PDZD8: variants seen among roughly 807,000 people sequenced by gnomAD.
The protein encoded by PDZD8 is PDZ domain containing 8.
A neutral mutation model predicts 85.8 loss-of-function variants in PDZD8; 14 were observed. That is an observed-to-expected ratio of 0.16 (90% CI 0.11 to 0.26). PDZD8 has a LOEUF of 0.26. PDZD8 is among the 10% of genes least tolerant of loss of function. PDZD8 has a pLI of 1.00. For missense variants in PDZD8, 1,197 were observed against 1,424.3 expected (o/e 0.84, Z 2.57); for synonymous variants, 592 against 568.6 (o/e 1.04, Z -0.59).
At position 117,318,015 on chromosome 10, in the gene PDZD8, C is replaced by T. The variant is rs147056260; in HGVS notation, c.1098+857G>A. ...AATTTTTATATAAAGATGTTCACAA[C>T]AGTTAATACATAAATAAATCAGAAA... is the stretch of plus-strand genomic sequence containing the variant. On this transcript the variant is annotated intron_variant, in intron 3 of 4. Coordinates refer to ENST00000334464, the MANE Select transcript of PDZD8 (RefSeq NM_173791.5). Among the ~76,000 whole-genome samples the T allele has an allele frequency of 2.9e-3, 444 of 152,224 alleles. 3 individuals are homozygous for T. Among genetic ancestry groups the T allele is most frequent in the Non-Finnish European group, 5.0e-3 (343 of 68,022 alleles).
rs1845283986 is a variant in PDZD8, at chr10:117,375,258, C to G, written c.-31G>C. On this transcript the variant is annotated 5_prime_UTR_variant, in exon 1 of 5. Coordinates refer to ENST00000334464, the MANE Select transcript of PDZD8 (RefSeq NM_173791.5). Reference sequence around the variant, plus strand: ...CACCGCCTCCGCCCGGGCCCCTACTCCCGCGCCCACAGCGCCGCTTTCTTC... The same window carrying G: ...CACCGCCTCCGCCCGGGCCCCTACTGCCGCGCCCACAGCGCCGCTTTCTTC... 1 of 1,431,516 alleles carries G rather than the reference C, an allele frequency of 7.0e-7. No homozygotes were observed. The highest frequency in any genetic ancestry group is 1.5e-5 in the African/African-American group (1 of 68,190). 88.7% of individuals were successfully genotyped at this position (1,431,516 alleles called of 1,614,324 possible). A position where few individuals can be genotyped will look rare whatever the true frequency, so the allele number is the denominator to read the frequency against.
At chr10:117,314,418 T>C (rs1477013241) in intron 3 of PDZD8, among the ~76,000 whole-genome samples, 1 of 152,212 alleles carries the variant, frequency 6.6e-6, no homozygotes, top group African/African-American at 2.4e-5. Flanking sequence ...GCTGACCCTA[T>C]CTAAAGCCCT....
Position 117,284,606 on chromosome 10 carries a change from C to T in PDZD8, c.2127G>A (p.Arg709=). The stretch of plus-strand genomic sequence containing the variant: ...TGCACCACAATGCAATGTTTAAGTA[C>T]CTGTGACAGGCTTCTATGTCAAACA... ...SCLFDIEACH[R]YLNIALWCRD... is the part of the protein sequence containing the mutation. Residue 709 remains arginine (R), a synonymous_variant, in exon 5 of 5, where the codon AGG becomes AGA. Coordinates refer to ENST00000334464, the MANE Select transcript of PDZD8 (RefSeq NM_173791.5). The T allele has an allele frequency of 6.2e-7, 1 of 1,614,202 alleles. No homozygotes were observed. Among genetic ancestry groups the T allele is most frequent in the South Asian group, 1.1e-5 (1 of 91,086 alleles).
chr10:117,375,095 AGCCCTCGCCCGCGCGGGC>A lies in PDZD8; in HGVS notation c.115_132del (p.Ala39_Gly44del), dbSNP rs1294352290. The stretch of plus-strand genomic sequence containing the variant: ...CCCGGCACTGGCTTGATGTAGCGGA[AGCCCTCGCCCGCGCGGGC>A]GGCCTCGTCCGCCGGCGGCTCGGGC... On this transcript the variant is annotated inframe_deletion, in exon 1 of 5. Transcript: ENST00000334464. 8.1e-6 allele frequency: 13 copies of A among 1,597,470 alleles called. No individual in the cohort carries two copies. The African/African-American group carries it at 1.5e-4, about 18-fold the overall frequency.
rs1278264508 is a variant in PDZD8 at position 117,279,003 on chromosome 10, T to C, written c.*4265A>G. On this transcript the variant is annotated 3_prime_UTR_variant, in exon 5 of 5. Transcript: ENST00000334464. ...GGTTTCTGGTTCTCCCTGCCCCCAA[T>C]ACCATATACTTTATTGCAATTTTAT... 6.6e-6 allele frequency: 1 copy of C among 152,204 alleles called. No homozygotes were observed. The highest frequency in any genetic ancestry group is 1.5e-5 in the Non-Finnish European group (1 of 68,032). The allele number at this position is 152,204 out of a possible 1,614,324, so 9.4% of individuals were successfully genotyped here. A position where few individuals can be genotyped will look rare whatever the true frequency, so the allele number is the denominator to read the frequency against.
intron 2 of PDZD8, among the ~76,000 whole-genome samples, chr10:117,324,375 T>C (rs1443974035): frequency 6.6e-6 from 1 of 152,016 alleles, no homozygotes. Context: ...TAGTTATCAG[T>C]CATGATTTTT....
chr10:117,335,808 T>C (rs1384541792), intron 2 of PDZD8, among the ~76,000 whole-genome samples: 2 of 152,250 alleles, frequency 1.3e-5, no homozygotes, highest in East Asian at 3.8e-4. Flanking sequence ...CTTTGTATTA[T>C]GTTTTTTGTA....
chr10:117,322,294 C>G (rs1301248935), intron 2 of PDZD8, among the ~76,000 whole-genome samples: 1 of 152,182 alleles, frequency 6.6e-6, no homozygotes, highest in Non-Finnish European at 1.5e-5. Context: ...ACCCATGACC[C>G]AGAGACCTCG....
chr10:117,350,299 C>T (rs1429495427), intron 1 of PDZD8, among the ~76,000 whole-genome samples: 1 of 144,964 alleles, frequency 6.9e-6, no homozygotes, highest in African/African-American at 2.5e-5. Context: ...CGGAGTCTTG[C>T]TCTGTCCCAG....
At chr10:117,299,304 T>C (rs1221569567) in intron 3 of PDZD8, among the ~76,000 whole-genome samples, 2 of 152,164 alleles carry the variant, frequency 1.3e-5, no homozygotes, top group Non-Finnish European at 2.9e-5. Context: ...GTAATGATCT[T>C]TTTGCAAAGA....
At chr10:117,348,248 G>A (rs569031608) in intron 1 of PDZD8, among the ~76,000 whole-genome samples, 3 of 152,104 alleles carry the variant, frequency 2.0e-5, no homozygotes, top group African/African-American at 4.8e-5. Flanking sequence ...GCACAGCTTC[G>A]TTAAAACAAA....
chr10:117,333,409 C>G (rs1042828674), intron 2 of PDZD8, among the ~76,000 whole-genome samples: 1 of 151,998 alleles, frequency 6.6e-6, no homozygotes, highest in Admixed American at 6.6e-5. Flanking sequence ...TCAGATTTAG[C>G]TAGATATTTT....
chr10:117,296,234 TA>T (rs1843757504), intron 3 of PDZD8, among the ~76,000 whole-genome samples: 1 of 152,008 alleles, frequency 6.6e-6, no homozygotes, highest in African/African-American at 2.4e-5. Flanking sequence ...TTAGAAAAAT[TA>T]AAAAATCCCA....
chr10:117,360,293 A>G (rs1844974554), intron 1 of PDZD8, among the ~76,000 whole-genome samples: 1 of 152,138 alleles, frequency 6.6e-6, no homozygotes, highest in Non-Finnish European at 1.5e-5. Flanking sequence ...TCTCTTGACT[A>G]TGTCTGGCAA....
Position 117,374,959 on chromosome 10 carries a change from G to C in PDZD8, c.269C>G (p.Pro90Arg). The part of the protein sequence containing the change: ...PTAAPETPAP[P>R]TRETCYFLNA... ...GAGGAAGTAGCAAGTCTCCCGCGTCGGCGGGGCGGGGGTCTCGGGGGCCGC... is the reference window on the plus strand; with the variant it reads ...GAGGAAGTAGCAAGTCTCCCGCGTCCGCGGGGCGGGGGTCTCGGGGGCCGC... The change falls in exon 1 of 5, where the codon CCG (proline) becomes CGG (arginine). Residue 90 changes from proline to arginine, a missense_variant. By Grantham distance (103) the Pro-to-Arg change is moderately radical. Coordinates refer to ENST00000334464, the MANE Select transcript of PDZD8 (RefSeq NM_173791.5). The surrounding 1 kb of genome is among the most constrained non-coding windows in gnomAD (Gnocchi z 7.8). 13 of 1,608,958 alleles carry C rather than the reference G, an allele frequency of 8.1e-6. No individual in the cohort carries two copies. The highest frequency in any genetic ancestry group is 1.1e-5 in the Non-Finnish European group (13 of 1,178,092).
At chr10:117,297,126 T>C (rs1843771127) in intron 3 of PDZD8, among the ~76,000 whole-genome samples, 3 of 152,090 alleles carry the variant, frequency 2.0e-5, no homozygotes, top group South Asian at 2.1e-4. Context: ...TTTGAACAGA[T>C]ACTTCACAAA....
At chr10:117,308,922 C>A (rs1452359433) in intron 3 of PDZD8, among the ~76,000 whole-genome samples, 1 of 152,052 alleles carries the variant, frequency 6.6e-6, no homozygotes, top group Non-Finnish European at 1.5e-5. Context: ...TTGCTGACTA[C>A]CACTGGACTG....
At chr10:117,359,169 C>T (rs1216096537) in intron 1 of PDZD8, among the ~76,000 whole-genome samples, 1 of 152,130 alleles carries the variant, frequency 6.6e-6, no homozygotes, top group Admixed American at 6.5e-5. Context: ...AATCCCAGCA[C>T]CTTGGGAGGC....
In PDZD8 at chr10:117,370,744, G is replaced by A. The variant is rs1299935024; in HGVS notation, c.872+3612C>T. Among the ~76,000 whole-genome samples the A allele has an allele frequency of 3.2e-4, 48 of 151,746 alleles. 1 individual carries two copies. ...ACGTGGGACAGTACCCAAAGATTTA[G>A]CCTCATGATTTACTTTTAAAAGGAT... On this transcript the variant is annotated intron_variant, in intron 1 of 4. Coordinates refer to ENST00000334464, the MANE Select transcript of PDZD8 (RefSeq NM_173791.5).
Sources: gnomAD v4.1 joint callset for allele counts (sites outside exome capture counted in the v4.1 genomes callset) on GRCh38, gnomAD v4.1.1 for gene constraint, Gnocchi (gnomAD v3.1) non-coding constraint, MANE v1.5 for transcripts, NCBI Gene and HGNC (gene_info 2026-07-23, HGNC 2026-07-21) for gene names.